HDAC9: variants seen among roughly 807,000 people sequenced by gnomAD.
HDAC9 encodes the protein MEF-2 interacting transcription repressor (MITR) protein.
Under a neutral mutation model 139.4 loss-of-function variants are expected in HDAC9, and 41 were observed. The observed-to-expected ratio is 0.29, with a 90% CI of 0.23 to 0.38. The LOEUF (loss-of-function observed/expected upper bound fraction) is 0.38. HDAC9 is among the 10% of genes least tolerant of loss of function. The pLI, the probability that HDAC9 is intolerant of heterozygous loss-of-function variation, is 1.00. For synonymous variants in HDAC9, 517 were observed against 476.2 expected (o/e 1.09, Z -1.12); for missense variants, 1,147 against 1,297.0 (o/e 0.88, Z 1.78).
rs748973565 is a variant in HDAC9 at position 18,317,154 on chromosome 7, G to A, written c.-42+26639G>A. Among the ~76,000 whole-genome samples the A allele has an allele frequency of 1.1e-3, 158 of 148,068 alleles. 1 individual carries two copies. The highest frequency in any genetic ancestry group is 9.4e-4 in the Non-Finnish European group (63 of 67,012). On this transcript the variant is annotated intron_variant, in intron 1 of 3. Coordinates refer to the HDAC9 transcript ENST00000413509. Reference sequence around the variant, plus strand: ...ATAAATAAATAAATAAATAAATGGCGCCACTGCACTCCAGCCTGGGTGACA... The same window carrying A: ...ATAAATAAATAAATAAATAAATGGCACCACTGCACTCCAGCCTGGGTGACA...
At chr7:18,896,531 C>A (rs1256096512) in intron 22 of HDAC9, among the ~76,000 whole-genome samples, 2 of 152,030 alleles carry the variant, frequency 1.3e-5, no homozygotes, top group Middle Eastern at 3.2e-3. Flanking sequence ...AGAGAGACAT[C>A]CTGTTTGGTG....
At chr7:18,432,532 G>C (rs185876545) in intron 1 of HDAC9, among the ~76,000 whole-genome samples, 12 of 152,244 alleles carry the variant, frequency 7.9e-5, no homozygotes, top group Admixed American at 1.3e-4. Flanking sequence ...TTCAGATTCT[G>C]GGCCTTTGTT....
chr7:18,965,803 T>C (rs139058981), intron 24 of HDAC9, among the ~76,000 whole-genome samples: 311 of 152,246 alleles, frequency 2.0e-3, no homozygotes, highest in African/African-American at 7.1e-3. Flanking sequence ...GCAAAAACTC[T>C]CCAGGGGCAC....
intron 11 of HDAC9, among the ~76,000 whole-genome samples, chr7:18,655,935 A>G (rs989821589): frequency 6.6e-6 from 1 of 152,188 alleles, no homozygotes; most frequent in Non-Finnish European, 1.5e-5. Flanking sequence ...GTTGTTTCCC[A>G]ACCTTGACAA....
upstream of HDAC9, among the ~76,000 whole-genome samples, chr7:18,492,549 GTA>G (rs1228230566): frequency 1.3e-5 from 2 of 151,686 alleles, no homozygotes; most frequent in Non-Finnish European, 2.9e-5. Flanking sequence ...TGACCTATGT[GTA>G]TATAACATAT....
At chr7:18,732,948 C>CGTGTGTATGTATGTGTATATACACGT (rs1322276005) in intron 13 of HDAC9, among the ~76,000 whole-genome samples, 2 of 116,726 alleles carry the variant, frequency 1.7e-5, no homozygotes, top group African/African-American at 9.3e-5. Context: ...TGTATACACA[C>CGTGTGTATGTATGTGTATATACACGT]GTGTATGTGT....
chr7:18,639,880 G>C (rs1048971877), intron 8 of HDAC9, among the ~76,000 whole-genome samples: 5 of 151,958 alleles, frequency 3.3e-5, no homozygotes, highest in African/African-American at 1.2e-4. Flanking sequence ...CTGAAGTCCA[G>C]GGAAGTTGGG....
At chr7:18,137,862 A>T (rs1176298359) in intron 1 of HDAC9, among the ~76,000 whole-genome samples, 1 of 152,098 alleles carries the variant, frequency 6.6e-6, no homozygotes, top group Non-Finnish European at 1.5e-5. Context: ...ATTGATCGGA[A>T]TAGTTTCAGA....
In HDAC9 at chr7:18,568,026, G is replaced by GTGTATATATATA. The variant is rs1384273199; in HGVS notation, c.23-17254_23-17253insGTATATATATAT. 1.5e-3 allele frequency among the ~76,000 whole-genome samples: 189 copies of GTGTATATATATA among 126,796 alleles called. 4 individuals carry two copies. The highest frequency in any genetic ancestry group is 3.1e-3 in the Admixed American group (38 of 12,408). 83.2% of individuals were successfully genotyped at this position (126,796 alleles called of 152,430 possible). On this transcript the variant is annotated intron_variant, in intron 2 of 25. Transcript: ENST00000686413. ...TTATACATACAGGATATATGTATATGTATATATATATATATATATATATAT... is the reference window on the plus strand; with the variant it reads ...TTATACATACAGGATATATGTATATGTGTATATATATATATATATATATATATATATATATAT...
At chr7:18,570,584 T>C (rs931512861) in intron 2 of HDAC9, among the ~76,000 whole-genome samples, 3 of 152,172 alleles carry the variant, frequency 2.0e-5, no homozygotes, top group Admixed American at 2.0e-4. Context: ...AATGGAGTGG[T>C]TGAGATCATG....
At chr7:18,362,669 T>G (rs1783875641) in intron 1 of HDAC9, among the ~76,000 whole-genome samples, 1 of 152,174 alleles carries the variant, frequency 6.6e-6, no homozygotes, top group African/African-American at 2.4e-5. Flanking sequence ...AGACAGACAT[T>G]GTAAAAGAGT....
chr7:18,670,651 G>C (rs1012543249), intron 12 of HDAC9, among the ~76,000 whole-genome samples: 7 of 151,974 alleles, frequency 4.6e-5, no homozygotes, highest in Non-Finnish European at 8.8e-5. Flanking sequence ...GCTTTAATTT[G>C]AACCTAGGCA....
chr7:18,162,560 T>A (rs1787706968), intron 2 of HDAC9: 2 of 577,598 alleles, frequency 3.5e-6, no homozygotes, highest in South Asian at 2.1e-5. Context: ...TTGATTTGCA[T>A]TGTAGTCTGA....
chr7:18,723,130 C>T (rs1384083519), intron 12 of HDAC9, among the ~76,000 whole-genome samples: 1 of 151,952 alleles, frequency 6.6e-6, no homozygotes, highest in Non-Finnish European at 1.5e-5. Flanking sequence ...TTTTTTTTCT[C>T]AGCCATTTCT....
intron 17 of HDAC9, among the ~76,000 whole-genome samples, chr7:18,807,327 T>C (rs1793792200): frequency 6.6e-6 from 1 of 152,148 alleles, no homozygotes; most frequent in Middle Eastern, 3.2e-3. Context: ...TTGAGTCTGA[T>C]ATCTTTTTTT....
At chr7:18,200,722 TTTC>T (rs1195989074) in intron 2 of HDAC9, among the ~76,000 whole-genome samples, 18 of 152,204 alleles carry the variant, frequency 1.2e-4, no homozygotes, top group Admixed American at 1.3e-4. Flanking sequence ...AGAAGCTACT[TTTC>T]CTTTAGCCCA....
At chr7:18,736,693 C>G (rs1238437139) in intron 13 of HDAC9, among the ~76,000 whole-genome samples, 1 of 152,116 alleles carries the variant, frequency 6.6e-6, no homozygotes, top group Non-Finnish European at 1.5e-5. Flanking sequence ...GTCTAAAATT[C>G]TCTTTTTTTG....
At chr7:18,775,849 A>C (rs1288502027) in intron 16 of HDAC9, among the ~76,000 whole-genome samples, 2 of 152,036 alleles carry the variant, frequency 1.3e-5, no homozygotes, top group Admixed American at 1.3e-4. Flanking sequence ...ACTCAGTTGA[A>C]CCAGATTCAA....
chr7:18,980,566 G>A (rs1372029619), intron 25 of HDAC9, among the ~76,000 whole-genome samples: 1 of 151,992 alleles, frequency 6.6e-6, no homozygotes, highest in African/African-American at 2.4e-5. Flanking sequence ...AACAATACCT[G>A]GCATGTAGTA....
Sources: allele counts gnomAD v4.1 joint callset (sites outside exome capture counted in the v4.1 genomes callset), GRCh38; gene constraint gnomAD v4.1.1; transcripts MANE v1.5; gene names NCBI Gene and HGNC (gene_info 2026-07-23, HGNC 2026-07-21).